MAP7D2: variants seen among roughly 807,000 people sequenced by gnomAD.
MAP7D2 encodes MAP7 domain-containing protein 2.
In MAP7D2, 33 loss-of-function variants were observed where a neutral mutation model predicts 63.5. The observed-to-expected ratio is 0.52, with a 90% confidence interval of 0.39 to 0.70. MAP7D2 has a LOEUF of 0.70. MAP7D2 is among the 30% of genes least tolerant of loss of function. MAP7D2 has a pLI of 0.00. For synonymous variants in MAP7D2, 224 were observed against 223.7 expected (o/e 1.00, Z -0.01); for missense variants, 626 against 604.0 (o/e 1.04, Z -0.38).
In MAP7D2 at chrX:20,056,502, A is replaced by G. The variant is rs769475877; in HGVS notation, c.484+178T>C. Among the ~76,000 whole-genome samples the G allele has an allele frequency of 7.1e-5, 8 of 112,170 alleles. No individual in the cohort carries two copies. In the South Asian group the frequency reaches 3.0e-3, roughly 41 times the overall value. The stretch of plus-strand genomic sequence containing the variant: ...GAAGAATGCACAGATCCCCTTCATA[A>G]CAAATGCATGCGTAGGAATCTTGGC... On this transcript the variant is annotated intron_variant, in intron 4 of 16. Coordinates refer to ENST00000379643, the MANE Select transcript of MAP7D2 (RefSeq NM_001168465.2).
At position 20,056,797 on chromosome X, in the gene MAP7D2, C is replaced by T. The variant is rs760915860; in HGVS notation, c.373-6G>A. The T allele has an allele frequency of 3.5e-5, 42 of 1,204,222 alleles. No individual in the cohort carries two copies. In the South Asian group the frequency reaches 6.4e-4, roughly 18 times the overall value. On this transcript the variant is annotated splice_region_variant and splice_polypyrimidine_tract_variant and intron_variant, in intron 3 of 16. Coordinates refer to ENST00000379643, the MANE Select transcript of MAP7D2 (RefSeq NM_001168465.2). ...ATCATCGCCTCCAGCCGTTCCTACA[C>T]AGTTCGTGTAAGGCAAGTGTTAACA...
intron 8 of MAP7D2, among the ~76,000 whole-genome samples, chrX:20,041,249 G>A (rs902356560): frequency 9.0e-6 from 1 of 111,634 alleles, no homozygotes; most frequent in African/African-American, 3.3e-5. Context: ...GAAACGGATC[G>A]TAGAGTCCAC....
At chrX:20,073,976 A>C (rs1442246187) in intron 1 of MAP7D2, among the ~76,000 whole-genome samples, 2 of 107,777 alleles carry the variant, frequency 1.9e-5, no homozygotes, top group African/African-American at 6.7e-5. Context: ...ATCTACTAAA[A>C]ATAGAAAAAT....
intron 8 of MAP7D2, among the ~76,000 whole-genome samples, chrX:20,037,059 C>A (rs2064514406): frequency 9.1e-6 from 1 of 110,426 alleles, no homozygotes; most frequent in African/African-American, 3.3e-5. Context: ...TAGAACTACT[C>A]CTGGTACCAA....
intron 4 of MAP7D2, among the ~76,000 whole-genome samples, chrX:20,053,436 G>A (rs1016657634): frequency 8.9e-6 from 1 of 112,048 alleles, no homozygotes; most frequent in Non-Finnish European, 1.9e-5. Context: ...AAGGTTATCT[G>A]TAGCTCAGGT....
chrX:20,098,123 C>T (rs2066321951), intron 1 of MAP7D2, among the ~76,000 whole-genome samples: 1 of 111,661 alleles, frequency 9.0e-6, no homozygotes, highest in African/African-American at 3.3e-5. Flanking sequence ...TGATAAGCTC[C>T]CCTCCTACTT....
At chrX:20,110,662 C>CAAAAAA (rs1282020261) in intron 1 of MAP7D2, among the ~76,000 whole-genome samples, 1 of 33,061 alleles carries the variant, frequency 3.0e-5, no homozygotes. Flanking sequence ...GACTCTGTCT[C>CAAAAAA]AAAAAAAAAA....
chrX:20,094,706 A>G (rs2066210606), intron 1 of MAP7D2, among the ~76,000 whole-genome samples: 1 of 99,481 alleles, frequency 1.0e-5, no homozygotes, highest in South Asian at 5.1e-4. Context: ...CCTCCCAAGT[A>G]GCTGAGATTA....
At chrX:20,100,925 G>T (rs758604380) in intron 1 of MAP7D2, among the ~76,000 whole-genome samples, 73 of 109,605 alleles carry the variant, frequency 6.7e-4, no homozygotes, top group Non-Finnish European at 1.2e-3. Context: ...GGAGGCTGAG[G>T]CAGGAGAATC....
intron 1 of MAP7D2, among the ~76,000 whole-genome samples, chrX:20,105,760 A>G (rs1213933502): frequency 9.0e-6 from 1 of 111,499 alleles, no homozygotes; most frequent in African/African-American, 3.3e-5. Context: ...CCCGACCCCA[A>G]CACCAAACCC....
At chrX:20,041,753 T>C (rs765895665) in intron 8 of MAP7D2, among the ~76,000 whole-genome samples, 9 of 112,391 alleles carry the variant, frequency 8.0e-5, no homozygotes, top group Non-Finnish European at 1.7e-4. Context: ...ATTTACTGAG[T>C]CTTTTGTCAG....
chrX:20,048,094 T>TA (rs1317444136), intron 6 of MAP7D2, among the ~76,000 whole-genome samples: 4 of 111,557 alleles, frequency 3.6e-5, no homozygotes, highest in Non-Finnish European at 5.6e-5. Context: ...CTGTCCCTAC[T>TA]AAGGCCTGCT....
chrX:20,016,548 C>T (rs2073401498), intron 10 of MAP7D2, among the ~76,000 whole-genome samples: 1 of 112,509 alleles, frequency 8.9e-6, no homozygotes, highest in Admixed American at 9.4e-5. Context: ...TTCTGTAATA[C>T]AGCAATGAAT....
At chrX:20,099,521 C>T (rs1227502844) in intron 1 of MAP7D2, among the ~76,000 whole-genome samples, 1 of 111,970 alleles carries the variant, frequency 8.9e-6, no homozygotes, top group African/African-American at 3.2e-5. Flanking sequence ...AGTACGAAGA[C>T]ATCTGTGCCC....
chrX:20,054,593 T>C (rs1030957430), intron 4 of MAP7D2, among the ~76,000 whole-genome samples: 2 of 110,388 alleles, frequency 1.8e-5, no homozygotes, highest in Admixed American at 9.6e-5. Context: ...CTTTCTTTTT[T>C]CTTTTTTTTT....
intron 8 of MAP7D2, among the ~76,000 whole-genome samples, chrX:20,028,858 G>A (rs958112632): frequency 8.9e-6 from 1 of 112,284 alleles, no homozygotes; most frequent in Non-Finnish European, 1.9e-5. Flanking sequence ...CTATCTCGTG[G>A]TAGATGATAA....
chrX:20,106,773 GTGGCTCATGCCTGTAA>G (rs1206432260), intron 1 of MAP7D2, among the ~76,000 whole-genome samples: 2 of 111,674 alleles, frequency 1.8e-5, no homozygotes, highest in Non-Finnish European at 3.8e-5. Context: ...GCTAGGTGAG[GTGGCTCATGCCTGTAA>G]TCCCAGCATG....
At chrX:20,071,669 G>C (rs1220686822) in intron 1 of MAP7D2, among the ~76,000 whole-genome samples, 1 of 112,484 alleles carries the variant, frequency 8.9e-6, no homozygotes, top group Non-Finnish European at 1.9e-5. Context: ...ACAGAGCTCA[G>C]CAGAGTGAGC....
intron 1 of MAP7D2, among the ~76,000 whole-genome samples, chrX:20,073,978 T>A (rs1475827577): frequency 4.7e-5 from 5 of 106,926 alleles, no homozygotes; most frequent in African/African-American, 1.7e-4. Context: ...CTACTAAAAA[T>A]AGAAAAATTA....
Sources: gnomAD v4.1 joint callset for allele counts (sites outside exome capture counted in the v4.1 genomes callset) on GRCh38, gnomAD v4.1.1 for gene constraint, MANE v1.5 for transcripts, NCBI Gene and HGNC (gene_info 2026-07-23, HGNC 2026-07-21) for gene names.